The following SLC17A8 variants were observed in gnomAD, a reference collection of about 807,000 sequenced individuals.
SLC17A8 encodes solute carrier family 17 member 8, also known as vesicular glutamate transporter 3.
In SLC17A8, 31 loss-of-function variants were observed where a neutral mutation model predicts 58.0. The ratio of observed to expected loss-of-function variants is 0.53; its 90% CI spans 0.40 to 0.72. The LOEUF (loss-of-function observed/expected upper bound fraction) is 0.72. SLC17A8 is among the 30% of genes least tolerant of loss of function. The probability of loss-of-function intolerance (pLI) is 0.00; values close to 1 mark genes in which losing one functional copy is unlikely to be tolerated. For missense variants in SLC17A8, 655 were observed against 727.8 expected, an observed-to-expected ratio of 0.90 and a Z score of 1.15; for synonymous variants, 228 against 249.0, an observed-to-expected ratio of 0.92 and a Z score of 0.79.
chr12:100,376,150 G>A (rs188924853), intron 1 of SLC17A8, among the ~76,000 whole-genome samples: 1 of 152,142 alleles, frequency 6.6e-6, no homozygotes, highest in East Asian at 1.9e-4. Context: ...AGAAACCAAG[G>A]CCTGCTGAAA....
Position 100,396,199 on chromosome 12 carries a change from A to G in SLC17A8, c.589-131A>G, listed in dbSNP as rs1455863096. Reference sequence around the variant, plus strand: ...ATAGGAATTTGGTGGGGACACAAACATTCAACCTACAACAGTGTCTGTAAA... The same window carrying G: ...ATAGGAATTTGGTGGGGACACAAACGTTCAACCTACAACAGTGTCTGTAAA... On this transcript the variant is annotated intron_variant, in intron 4 of 11. Transcript: ENST00000323346. The G allele has an allele frequency of 6.6e-6, 5 of 757,542 alleles. No individual in the cohort carries two copies. The East Asian group carries it at 1.3e-4, about 20-fold the overall frequency. 46.9% of individuals were successfully genotyped at this position (757,542 alleles called of 1,614,324 possible). A position where few individuals can be genotyped will look rare whatever the true frequency, so the allele number is the denominator to read the frequency against.
At chr12:100,415,799 A>G (rs1275457734) in intron 10 of SLC17A8, among the ~76,000 whole-genome samples, 2 of 152,188 alleles carry the variant, frequency 1.3e-5, no homozygotes, top group Admixed American at 6.5e-5. Flanking sequence ...GTATTGCTAT[A>G]TTCACTTTAT....
At chr12:100,417,904 G>T in intron 10 of SLC17A8, 125 bp from the exon 11 acceptor site, 2 of 1,197,376 alleles carry the variant, frequency 1.7e-6, no homozygotes, top group South Asian at 2.5e-5. Context: ...CTCTTGGTCT[G>T]GAAACTAGTC....
At chr12:100,396,241 T>C in intron 4 of SLC17A8, 89 bp from the exon 5 acceptor site, 1 of 1,030,284 alleles carries the variant, frequency 9.7e-7, no homozygotes, top group Non-Finnish European at 1.5e-6. Context: ...TTTTATATTG[T>C]AGCCTGTGTG....
chr12:100,414,912 T>C (rs1952895442), intron 10 of SLC17A8, among the ~76,000 whole-genome samples: 1 of 152,196 alleles, frequency 6.6e-6, no homozygotes, highest in African/African-American at 2.4e-5. Flanking sequence ...TCCCCAGAGC[T>C]GCTGCTGCTG....
At chr12:100,358,270 ATC>A (rs1566382604) in intron 1 of SLC17A8, among the ~76,000 whole-genome samples, 1 of 152,226 alleles carries the variant, frequency 6.6e-6, no homozygotes, top group Non-Finnish European at 1.5e-5. Flanking sequence ...TGACTGCTTT[ATC>A]TCTCTGATAT....
Position 100,402,436 on chromosome 12 carries a change from T to C in SLC17A8, c.860T>C (p.Ile287Thr). 2 of 1,614,142 alleles carry C rather than the reference T, an allele frequency of 1.2e-6. No individual in the cohort carries two copies. The highest frequency in any genetic ancestry group is 1.7e-6 in the Non-Finnish European group (2 of 1,180,004). The part of the protein sequence containing the change: ...PTISNEEKTY[I>T]ETSIGEGANV... ...ATATCCAATGAGGAGAAGACCTATA[T>C]AGAGACAAGCATAGGAGAGGGGGCC... is the stretch of plus-strand genomic sequence containing the variant. Residue 287 changes from isoleucine (I) to threonine (T), a missense_variant, in exon 7 of 12, where the codon ATA (isoleucine) becomes ACA (threonine). Coordinates refer to ENST00000323346, the MANE Select transcript of SLC17A8 (RefSeq NM_139319.3).
chr12:100,402,224 CA>C (rs1407338988), intron 6 of SLC17A8, 115 bp from the exon 7 acceptor site: 1 of 1,169,566 alleles, frequency 8.6e-7, no homozygotes, highest in Non-Finnish European at 1.2e-6. Flanking sequence ...AACCTTGTTA[CA>C]ACATTGGTAC....
intron 1 of SLC17A8, among the ~76,000 whole-genome samples, chr12:100,373,087 G>A (rs776176319): frequency 2.6e-5 from 4 of 152,146 alleles, no homozygotes; most frequent in Non-Finnish European, 5.9e-5. Context: ...GGACAACTGT[G>A]CCTGAGAACA....
At chr12:100,390,012 G>T (rs945292130) in intron 2 of SLC17A8, among the ~76,000 whole-genome samples, 3 of 151,884 alleles carry the variant, frequency 2.0e-5, no homozygotes, top group Non-Finnish European at 4.4e-5. Flanking sequence ...GTAGAGATGG[G>T]ATTTCACCAT....
intron 1 of SLC17A8, among the ~76,000 whole-genome samples, chr12:100,371,756 G>A (rs995503364): frequency 1.3e-5 from 2 of 152,116 alleles, no homozygotes; most frequent in Admixed American, 6.6e-5. Context: ...CACCATGTTG[G>A]CCAGGCTGGT....
chr12:100,377,586 T>TATATATATATATATATATATATATA (rs57938207), intron 1 of SLC17A8, among the ~76,000 whole-genome samples: 1 of 43,356 alleles, frequency 2.3e-5, no homozygotes, highest in African/African-American at 8.6e-5. Flanking sequence ...TATATATATA[T>TATATATATATATATATATATATATA]TTTTTTTTTT....
At chr12:100,398,731 C>T (rs184280811) in intron 5 of SLC17A8, among the ~76,000 whole-genome samples, 276 of 152,210 alleles carry the variant, frequency 1.8e-3, no homozygotes, top group African/African-American at 6.4e-3. Context: ...CTGTCGCCAC[C>T]CAAATCTCAT....
intron 10 of SLC17A8, among the ~76,000 whole-genome samples, chr12:100,415,859 A>C (rs1459293079): frequency 6.6e-6 from 1 of 152,136 alleles, no homozygotes; most frequent in African/African-American, 2.4e-5. Context: ...AGTGGCTGGG[A>C]GTGTGGAATA....
intron 1 of SLC17A8, among the ~76,000 whole-genome samples, chr12:100,375,603 G>A (rs149620445): frequency 5.1e-4 from 78 of 152,276 alleles, no homozygotes; most frequent in Middle Eastern, 3.4e-3. Context: ...CAGCAGCTGG[G>A]GCTGTCTGCA....
At chr12:100,361,370 G>C (rs375978741) in intron 1 of SLC17A8, among the ~76,000 whole-genome samples, 2 of 152,286 alleles carry the variant, frequency 1.3e-5, no homozygotes, top group African/African-American at 4.8e-5. Context: ...CTCCTGTCCC[G>C]GCTTTCGCCC....
chr12:100,373,508 A>G (rs1952572890), intron 1 of SLC17A8, among the ~76,000 whole-genome samples: 1 of 152,048 alleles, frequency 6.6e-6, no homozygotes, highest in African/African-American at 2.4e-5. Flanking sequence ...AACATGGAGA[A>G]TAAAGATGAG....
In SLC17A8 at chr12:100,421,828, C is replaced by T. The variant is rs972118450; in HGVS notation, c.*1669C>T. 3 of 151,982 alleles carry T rather than the reference C, an allele frequency of 2.0e-5. No individual in the cohort carries two copies. Among genetic ancestry groups the T allele is most frequent in the Admixed American group, 6.6e-5 (1 of 15,244 alleles). 9.4% of individuals were successfully genotyped at this position (151,982 alleles called of 1,614,324 possible). A position where few individuals can be genotyped will look rare whatever the true frequency, so the allele number is the denominator to read the frequency against. ...CTAGCATACAATTTATGTTAGTAGA[C>T]ATCTTTAAATCTCTTTAATGAGTGA... On this transcript the variant is annotated 3_prime_UTR_variant, in exon 12 of 12. Coordinates refer to ENST00000323346, the MANE Select transcript of SLC17A8 (RefSeq NM_139319.3).
chr12:100,364,862 C>A (rs528681905), intron 1 of SLC17A8, among the ~76,000 whole-genome samples: 2 of 152,338 alleles, frequency 1.3e-5, no homozygotes, highest in East Asian at 1.9e-4. Flanking sequence ...GGGAGGCTTT[C>A]CCCCTCACTG....
Sources: allele counts gnomAD v4.1 joint callset (sites outside exome capture counted in the v4.1 genomes callset), GRCh38; gene constraint gnomAD v4.1.1; transcripts MANE v1.5; gene names NCBI Gene and HGNC (gene_info 2026-07-23, HGNC 2026-07-21).